The following PSMD14 variants were observed in gnomAD, a reference collection of about 807,000 sequenced individuals.
PSMD14 encodes ubiquitin C-terminal hydrolase PSMD14.
In PSMD14, 7 loss-of-function variants were observed where a neutral mutation model predicts 41.2. That is an observed-to-expected ratio of 0.17 (90% CI 0.10 to 0.32). The LOEUF (loss-of-function observed/expected upper bound fraction) is 0.32. Among genes scored for constraint, PSMD14 ranks in the 10% least tolerant of loss-of-function variants. PSMD14 has a pLI of 1.00. For missense variants in PSMD14, 139 were observed against 375.6 expected (o/e 0.37, Z 5.21); for synonymous variants, 114 against 122.3 (o/e 0.93, Z 0.45).
At chr2:161,388,589 TTTTG>T (rs1293668965) in intron 8 of PSMD14, among the ~76,000 whole-genome samples, 1 of 152,106 alleles carries the variant, frequency 6.6e-6, no homozygotes, top group Non-Finnish European at 1.5e-5. Flanking sequence ...ACAAAACACA[TTTTG>T]TTTCTTTTCA....
At chr2:161,344,512 C>T (rs1406015721) in intron 3 of PSMD14, among the ~76,000 whole-genome samples, 1 of 152,222 alleles carries the variant, frequency 6.6e-6, no homozygotes, top group Non-Finnish European at 1.5e-5. Flanking sequence ...CACAAATATT[C>T]AGTCCATAAT....
chr2:161,309,756 A>G (rs1689067349), intron 1 of PSMD14, among the ~76,000 whole-genome samples: 1 of 152,154 alleles, frequency 6.6e-6, no homozygotes, highest in South Asian at 2.1e-4. Flanking sequence ...AAGGGAAGAA[A>G]GTTTTCAAGT....
intron 7 of PSMD14, among the ~76,000 whole-genome samples, chr2:161,375,417 A>G (rs1683490165): frequency 6.6e-6 from 1 of 152,062 alleles, no homozygotes; most frequent in African/African-American, 2.4e-5. Flanking sequence ...ACAATAAAGT[A>G]TTACTTGTAT....
intron 10 of PSMD14, among the ~76,000 whole-genome samples, chr2:161,403,582 A>T (rs1389628591): frequency 1.3e-5 from 2 of 152,168 alleles, no homozygotes; most frequent in Non-Finnish European, 2.9e-5. Context: ...CCGTGCTTTT[A>T]AAAAGCCTTT....
chr2:161,360,147 G>C (rs971175008), intron 3 of PSMD14, among the ~76,000 whole-genome samples: 2 of 151,244 alleles, frequency 1.3e-5, no homozygotes, highest in African/African-American at 4.9e-5. Context: ...GTTAAACAAA[G>C]ATAAACAGCT....
At chr2:161,391,061 A>G in intron 8 of PSMD14, 43 bp from the exon 9 acceptor site, 45 of 1,411,634 alleles carry the variant, frequency 3.2e-5, no homozygotes, top group Non-Finnish European at 4.1e-5. Flanking sequence ...TTATTAGGTG[A>G]AAAATATTAA....
intron 3 of PSMD14, among the ~76,000 whole-genome samples, chr2:161,332,302 TCTTA>T (rs1425075045): frequency 6.6e-6 from 1 of 152,236 alleles, no homozygotes; most frequent in Non-Finnish European, 1.5e-5. Flanking sequence ...GGTTTACATT[TCTTA>T]CTTTTTTACG....
chr2:161,391,819 G>C lies in PSMD14; in HGVS notation c.645+641G>C, dbSNP rs539845105. 3.3e-5 allele frequency among the ~76,000 whole-genome samples: 5 copies of C among 152,168 alleles called. No homozygotes were observed. The South Asian group carries it at 8.3e-4, about 25-fold the overall frequency. On this transcript the variant is annotated intron_variant, in intron 9 of 11. Coordinates refer to ENST00000409682, the MANE Select transcript of PSMD14 (RefSeq NM_005805.6). ...TTGCTTTGTTGCTCAGGTTGGGCTT[G>C]AACTCCTGTGCTCAAGTGATCCTCT...
rs541889233 is a variant in PSMD14 at position 161,389,943 on chromosome 2, T to TG, written c.571-1159dup. On this transcript the variant is annotated intron_variant, in intron 8 of 11. Transcript: ENST00000409682. ...TGGGGTATTGCTATGTTGTCCAGGC[T>TG]GGTCTTGAACTCTTGGGCTTAAGTG... Among the ~76,000 whole-genome samples, 12 of 138,734 alleles carry TG rather than the reference T, an allele frequency of 8.6e-5. No individual in the cohort carries two copies. In the South Asian group the frequency reaches 3.0e-3, roughly 35 times the overall value. 91.0% of individuals were successfully genotyped at this position (138,734 alleles called of 152,430 possible). A position where few individuals can be genotyped will look rare whatever the true frequency, so the allele number is the denominator to read the frequency against.
At chr2:161,343,170 C>G (rs1682991448) in intron 3 of PSMD14, among the ~76,000 whole-genome samples, 1 of 152,116 alleles carries the variant, frequency 6.6e-6, no homozygotes. Context: ...TCTGTCAGAA[C>G]TTTTTCATCG....
intron 3 of PSMD14, among the ~76,000 whole-genome samples, chr2:161,343,253 A>G (rs1682992829): frequency 6.6e-6 from 1 of 152,186 alleles, no homozygotes; most frequent in South Asian, 2.1e-4. Context: ...TGCAGCCAGC[A>G]TTCCACTTTC....
intron 3 of PSMD14, among the ~76,000 whole-genome samples, chr2:161,342,473 GATATA>G (rs1432259425): frequency 2.0e-5 from 3 of 152,050 alleles, no homozygotes; most frequent in African/African-American, 4.8e-5. Context: ...GAAATTGGTT[GATATA>G]ATATAGGCGT....
At chr2:161,363,576 T>C (rs1683320425) in intron 3 of PSMD14, among the ~76,000 whole-genome samples, 1 of 152,230 alleles carries the variant, frequency 6.6e-6, no homozygotes, top group Non-Finnish European at 1.5e-5. Context: ...TAGGTGACTT[T>C]CTTTTTGAAT....
intron 3 of PSMD14, among the ~76,000 whole-genome samples, chr2:161,363,079 G>A (rs1683311456): frequency 6.6e-6 from 1 of 152,190 alleles, no homozygotes; most frequent in African/African-American, 2.4e-5. Flanking sequence ...TACTGCCTGA[G>A]CTCCACCTCC....
intron 7 of PSMD14, among the ~76,000 whole-genome samples, chr2:161,374,727 C>CT (rs1683480642): frequency 6.6e-6 from 1 of 151,988 alleles, no homozygotes; most frequent in African/African-American, 2.4e-5. Context: ...CAGCCCATAA[C>CT]CAGATCCAGC....
At chr2:161,341,846 A>G (rs1190228551) in intron 3 of PSMD14, among the ~76,000 whole-genome samples, 4 of 142,686 alleles carry the variant, frequency 2.8e-5, no homozygotes, top group African/African-American at 1.1e-4. Context: ...TCCAAAAAAA[A>G]AAAAAAAATT....
At chr2:161,408,977 A>G (rs1683991232) in intron 11 of PSMD14, 78 bp downstream of exon 11, 1 of 1,211,234 alleles carries the variant, frequency 8.3e-7, no homozygotes, top group South Asian at 1.4e-5. Flanking sequence ...TAGGGCCTAT[A>G]TAATTTTTTT....
At chr2:161,348,218 C>T (rs1397768994) in intron 3 of PSMD14, among the ~76,000 whole-genome samples, 3 of 152,170 alleles carry the variant, frequency 2.0e-5, no homozygotes, top group Non-Finnish European at 4.4e-5. Context: ...CTGGGACATT[C>T]ATAACAGCAT....
chr2:161,411,695 A>G lies in PSMD14; in HGVS notation c.*295A>G, dbSNP rs1049432649. 2.2e-5 allele frequency: 4 copies of G among 181,232 alleles called. No individual in the cohort carries two copies. The highest frequency in any genetic ancestry group is 3.4e-5 in the Non-Finnish European group (3 of 87,382). The allele number at this position is 181,232 out of a possible 1,614,324, so 11.2% of individuals were successfully genotyped here. On this transcript the variant is annotated 3_prime_UTR_variant, in exon 12 of 12. Coordinates refer to ENST00000409682, the MANE Select transcript of PSMD14 (RefSeq NM_005805.6). ...AAATATATTTTGATTGTCACTTACA[A>G]AATAAAATACATTTACAGTCTATGC...
Sources: gnomAD v4.1 joint callset for allele counts (sites outside exome capture counted in the v4.1 genomes callset) on GRCh38, gnomAD v4.1.1 for gene constraint, MANE v1.5 for transcripts, NCBI Gene and HGNC (gene_info 2026-07-23, HGNC 2026-07-21) for gene names.